MAML3: variants seen among roughly 807,000 people sequenced by gnomAD.
The protein encoded by MAML3 is mastermind-like protein 3.
Under a neutral mutation model 101.9 loss-of-function variants are expected in MAML3, and 27 were observed. The observed-to-expected ratio is 0.27, with a 90% CI of 0.20 to 0.37. The LOEUF is 0.37. Ranked by LOEUF, MAML3 falls within the 10% of genes least tolerant of loss-of-function variation. The pLI is 1.00. For missense variants in MAML3, 1,316 were observed against 1,444.9 expected, an observed-to-expected ratio of 0.91 and a Z score of 1.45; for synonymous variants, 501 against 555.9, an observed-to-expected ratio of 0.90 and a Z score of 1.39.
chr4:140,147,234 A>G (rs1318277471), intron 1 of MAML3, among the ~76,000 whole-genome samples: 1 of 152,140 alleles, frequency 6.6e-6, no homozygotes, highest in Non-Finnish European at 1.5e-5. Context: ...CTTGGATGCA[A>G]GAGCGTGATT....
chr4:139,890,378 T>C lies in MAML3; in HGVS notation c.1058A>G (p.Glu353Gly). The C allele has an allele frequency of 6.2e-7, 1 of 1,603,502 alleles. No homozygotes were observed. The highest frequency in any genetic ancestry group is 1.3e-5 in the African/African-American group (1 of 74,716). Reference sequence around the variant, plus strand: ...GGGGTCGCTCTTCACGCTCGCACTCTCCTGGGAGAGAGGGGTCTCAGTTGC... The same window carrying C: ...GGGGTCGCTCTTCACGCTCGCACTCCCCTGGGAGAGAGGGGTCTCAGTTGC... The part of the protein sequence containing the change: ...QPATETPLSQ[E>G]SASVKSDPSH... Residue 353 changes from glutamate to glycine, a missense_variant, in exon 2 of 5, where the codon GAG becomes GGG. Glu to Gly is a moderately conservative substitution (Grantham distance 98). Coordinates refer to ENST00000509479, the MANE Select transcript of MAML3 (RefSeq NM_018717.5). The surrounding 1 kb of genome is among the most constrained non-coding windows in gnomAD (Gnocchi z 4.1).
Position 139,730,441 on chromosome 4 carries a change from TG to T in MAML3, c.2305del (p.Gln769SerfsTer43). 2 of 1,550,148 alleles carry T rather than the reference TG, an allele frequency of 1.3e-6. No homozygotes were observed. The highest frequency in any genetic ancestry group is 4.9e-5 in the East Asian group (2 of 40,922). ...LREQRQQQQQ[Q>X]QQQILAEQQL... is the part of the protein sequence containing the mutation. ...CTGTTCCGCCAAAATCTGCTGCTGC[TG>T]CTGCTGCTGCTGCTGCCTTTGCTCC... is the stretch of plus-strand genomic sequence containing the variant. On this transcript the variant is annotated frameshift_variant, in exon 3 of 5. Transcript: ENST00000509479. LOFTEE classifies it high-confidence loss of function.
At chr4:139,833,933 G>A (rs1731215628) in intron 2 of MAML3, among the ~76,000 whole-genome samples, 1 of 152,094 alleles carries the variant, frequency 6.6e-6, no homozygotes, top group Non-Finnish European at 1.5e-5. Flanking sequence ...GGGGCTTCCT[G>A]AAGAGTGGGA....
At chr4:139,843,787 G>A (rs903932537) in intron 2 of MAML3, among the ~76,000 whole-genome samples, 4 of 152,048 alleles carry the variant, frequency 2.6e-5, no homozygotes, top group African/African-American at 9.7e-5. Context: ...CTGGACCTCA[G>A]CTTCTGTTTC....
At position 139,785,670 on chromosome 4, in the gene MAML3, TA is replaced by T. The variant is rs1488679124; in HGVS notation, c.2080-55004del. Among the ~76,000 whole-genome samples the T allele has an allele frequency of 6.6e-6, 1 of 152,136 alleles. No homozygotes were observed. The highest frequency in any genetic ancestry group is 1.5e-5 in the Non-Finnish European group (1 of 68,010). On this transcript the variant is annotated intron_variant, in intron 2 of 4. Coordinates refer to ENST00000509479, the MANE Select transcript of MAML3 (RefSeq NM_018717.5). The surrounding 1 kb of genome is among the most constrained non-coding windows in gnomAD (Gnocchi z 4.3). ...TCCCTTCATTCACATATCTCTGCAC[TA>T]ATTTTTTTTTTCCTGTGATAAAACA... is the stretch of plus-strand genomic sequence containing the variant.
intron 1 of MAML3, among the ~76,000 whole-genome samples, chr4:139,988,614 A>T (rs1323957088): frequency 6.6e-6 from 1 of 152,176 alleles, no homozygotes. Context: ...TAGTTGTCCC[A>T]TCGTAAACTT....
chr4:139,824,091 C>T (rs1014454657), intron 2 of MAML3, among the ~76,000 whole-genome samples: 1 of 152,064 alleles, frequency 6.6e-6, no homozygotes, highest in Non-Finnish European at 1.5e-5. Flanking sequence ...GGTTCAGTAG[C>T]CTGGGTTGTT....
chr4:140,117,534 T>C (rs957899658), intron 1 of MAML3, among the ~76,000 whole-genome samples: 18 of 152,192 alleles, frequency 1.2e-4, no homozygotes, highest in Admixed American at 9.8e-4. Flanking sequence ...TTTTTTATAC[T>C]GCAAAATATT....
intron 2 of MAML3, among the ~76,000 whole-genome samples, chr4:139,828,789 CA>C (rs1731108401): frequency 6.9e-6 from 1 of 145,026 alleles, no homozygotes; most frequent in Non-Finnish European, 1.5e-5. Flanking sequence ...CAAAAATATA[CA>C]TGGAACATTG....
At chr4:140,114,505 T>C (rs915623521) in intron 1 of MAML3, among the ~76,000 whole-genome samples, 18 of 152,262 alleles carry the variant, frequency 1.2e-4, no homozygotes, top group African/African-American at 3.6e-4. Flanking sequence ...CTGCATATAA[T>C]TGCAGTGCAA....
Position 139,887,016 on chromosome 4 carries a change from C to A in MAML3, c.2079+2341G>T, listed in dbSNP as rs1366742808. Among the ~76,000 whole-genome samples, 3 of 152,108 alleles carry A rather than the reference C, an allele frequency of 2.0e-5. No homozygotes were observed. The East Asian group carries it at 5.8e-4, about 29-fold the overall frequency. The stretch of plus-strand genomic sequence containing the variant: ...AAATGTTGATCATGGTCATTGTGAT[C>A]AACAAAGAATAAAGTGAGTTTTCAC... On this transcript the variant is annotated intron_variant, in intron 2 of 4. Coordinates refer to ENST00000509479, the MANE Select transcript of MAML3 (RefSeq NM_018717.5).
chr4:139,763,562 A>T (rs1158509132), intron 2 of MAML3, among the ~76,000 whole-genome samples: 3 of 152,134 alleles, frequency 2.0e-5, no homozygotes, highest in African/African-American at 7.2e-5. Context: ...AATTGCCAAA[A>T]TAAACAGAAT....
chr4:140,076,436 G>A (rs1727767227), intron 1 of MAML3, among the ~76,000 whole-genome samples: 3 of 150,822 alleles, frequency 2.0e-5, no homozygotes, highest in South Asian at 2.1e-4. Context: ...GTGTGAGCAC[G>A]AAAAGGAGAC....
At chr4:140,114,172 C>A (rs948362905) in intron 1 of MAML3, among the ~76,000 whole-genome samples, 2 of 152,224 alleles carry the variant, frequency 1.3e-5, no homozygotes, top group Non-Finnish European at 2.9e-5. Context: ...GCTCCCTCCA[C>A]CCTATGAAAG....
At chr4:139,991,134 C>T (rs1317761235) in intron 1 of MAML3, among the ~76,000 whole-genome samples, 4 of 152,134 alleles carry the variant, frequency 2.6e-5, no homozygotes, top group Admixed American at 2.6e-4. Flanking sequence ...AGGTATCACG[C>T]TACCTGACTT....
At position 139,739,159 on chromosome 4, in the gene MAML3, C is replaced by G. The variant is rs543803554; in HGVS notation, c.2080-8492G>C. On this transcript the variant is annotated intron_variant, in intron 2 of 4. Coordinates refer to ENST00000509479, the MANE Select transcript of MAML3 (RefSeq NM_018717.5). ...GATGAATTCTAGCCTAAACCAACATCAGGTATAACTGGAGATGACAAAATG... is the reference window on the plus strand; with the variant it reads ...GATGAATTCTAGCCTAAACCAACATGAGGTATAACTGGAGATGACAAAATG... Among the ~76,000 whole-genome samples the G allele has an allele frequency of 1.4e-4, 21 of 152,310 alleles. No homozygotes were observed. The East Asian group carries it at 3.1e-3, about 22-fold the overall frequency.
At chr4:139,842,762 CTTTTTTTTTTT>C (rs71584337) in intron 2 of MAML3, among the ~76,000 whole-genome samples, 405 of 30,732 alleles carry the variant, frequency 0.013, 3 homozygotes, top group Middle Eastern at 0.029. Context: ...ATCCGCTTGC[CTTTTTTTTTTT>C]TTTTTTTTTT....
chr4:139,822,142 C>T (rs1412951468), intron 2 of MAML3, among the ~76,000 whole-genome samples: 2 of 152,076 alleles, frequency 1.3e-5, no homozygotes, highest in African/African-American at 4.8e-5. Context: ...CAATCACCAT[C>T]ATCATCACCA....
At chr4:139,930,690 C>G (rs1423927006) in intron 1 of MAML3, among the ~76,000 whole-genome samples, 2 of 152,170 alleles carry the variant, frequency 1.3e-5, no homozygotes, top group Non-Finnish European at 2.9e-5. Context: ...TCAGTCACCA[C>G]TTTCCCTGGT....
Sources: allele counts gnomAD v4.1 joint callset (sites outside exome capture counted in the v4.1 genomes callset), GRCh38; gene constraint gnomAD v4.1.1; non-coding constraint Gnocchi (gnomAD v3.1); transcripts MANE v1.5; gene names NCBI Gene and HGNC (gene_info 2026-07-23, HGNC 2026-07-21).